Variants in ZFPM2 observed in about 807,000 individuals in gnomAD.
The protein encoded by ZFPM2 is zinc finger protein, FOG family member 2, also known as zinc finger protein ZFPM2.
A neutral mutation model predicts 98.6 loss-of-function variants in ZFPM2; 20 were observed. The ratio of observed to expected loss-of-function variants is 0.20; its 90% CI spans 0.14 to 0.29. The LOEUF (loss-of-function observed/expected upper bound fraction) is 0.29, where lower values mean the gene tolerates loss of function less well. Among genes scored for constraint, ZFPM2 ranks in the 10% least tolerant of loss-of-function variants. The pLI, the probability that ZFPM2 is intolerant of heterozygous loss-of-function variation, is 1.00. For missense variants in ZFPM2, 1,310 were observed against 1,388.6 expected (o/e 0.94, Z 0.90); for synonymous variants, 518 against 502.7 (o/e 1.03, Z -0.41).
chr8:105,734,152 G>T (rs549229226), intron 5 of ZFPM2, among the ~76,000 whole-genome samples: 28 of 151,892 alleles, frequency 1.8e-4, no homozygotes, highest in Admixed American at 1.6e-3. Flanking sequence ...TGTGTTTAAT[G>T]TTCACTTAAA....
intron 3 of ZFPM2, among the ~76,000 whole-genome samples, chr8:105,527,553 T>C (rs1236363438): frequency 2.0e-5 from 3 of 152,208 alleles, no homozygotes; most frequent in African/African-American, 4.8e-5. Context: ...CTGAGTCTTA[T>C]TAAAGGGGCT....
At chr8:105,487,308 G>A (rs1813249332) in intron 3 of ZFPM2, among the ~76,000 whole-genome samples, 1 of 152,036 alleles carries the variant, frequency 6.6e-6, no homozygotes, top group Admixed American at 6.6e-5. Context: ...TTGAAGAAAT[G>A]AGGTCTTCCC....
chr8:105,560,808 A>G (rs1815118914), intron 3 of ZFPM2, among the ~76,000 whole-genome samples: 1 of 152,142 alleles, frequency 6.6e-6, no homozygotes, highest in African/African-American at 2.4e-5. Flanking sequence ...ATAGAGTTCT[A>G]TTCAGTATAC....
In ZFPM2 at chr8:105,476,778, T is replaced by A. The variant is rs1586400527; in HGVS notation, c.301+32397T>A. ...CATTTAAAAATATCCTCTTTTAAAA[T>A]TAGCATCTCAAATAGCAATTTGGAT... On this transcript the variant is annotated intron_variant, in intron 3 of 7. Coordinates refer to ENST00000407775, the MANE Select transcript of ZFPM2 (RefSeq NM_012082.4). Among the ~76,000 whole-genome samples, 11 of 152,110 alleles carry A rather than the reference T, an allele frequency of 7.2e-5. No homozygotes were observed. The South Asian group carries it at 2.1e-3, about 29-fold the overall frequency.
chr8:105,471,664 G>A (rs536401601), intron 3 of ZFPM2, among the ~76,000 whole-genome samples: 46 of 152,132 alleles, frequency 3.0e-4, no homozygotes, highest in African/African-American at 3.1e-4. Flanking sequence ...TTGATGGTAC[G>A]CAAGCGGAAC....
chr8:105,702,917 C>T (rs961383652), intron 5 of ZFPM2, among the ~76,000 whole-genome samples: 6 of 152,164 alleles, frequency 3.9e-5, no homozygotes, highest in African/African-American at 1.4e-4. Flanking sequence ...AGGCAGGACT[C>T]ACAGAAAACT....
intron 5 of ZFPM2, among the ~76,000 whole-genome samples, chr8:105,773,663 A>G (rs1813034643): frequency 6.6e-6 from 1 of 151,116 alleles, no homozygotes; most frequent in South Asian, 2.1e-4. Flanking sequence ...AAAAAGATAA[A>G]TAAAATAAAA....
intron 4 of ZFPM2, among the ~76,000 whole-genome samples, chr8:105,585,894 A>AAAT (rs1250202013): frequency 1.3e-5 from 2 of 152,016 alleles, no homozygotes; most frequent in Non-Finnish European, 2.9e-5. Flanking sequence ...TAGGATGAAA[A>AAAT]AATAGAAGGG....
intron 3 of ZFPM2, among the ~76,000 whole-genome samples, chr8:105,450,249 A>G (rs942682540): frequency 6.6e-6 from 1 of 152,146 alleles, no homozygotes. Flanking sequence ...AACTGTAGCC[A>G]GAAGACCACT....
intron 3 of ZFPM2, among the ~76,000 whole-genome samples, chr8:105,547,867 C>T (rs537990656): frequency 9.2e-5 from 14 of 152,192 alleles, no homozygotes; most frequent in South Asian, 6.2e-4. Context: ...GCAACATCTA[C>T]CCATTTGCAT....
intron 5 of ZFPM2, among the ~76,000 whole-genome samples, chr8:105,764,282 T>TGA (rs1812804369): frequency 8.0e-6 from 1 of 124,268 alleles, no homozygotes; most frequent in Non-Finnish European, 1.7e-5. Flanking sequence ...TCTCTCTCTC[T>TGA]CTCTGACACA....
At chr8:105,461,527 A>T (rs1452533034) in intron 3 of ZFPM2, among the ~76,000 whole-genome samples, 2 of 152,130 alleles carry the variant, frequency 1.3e-5, no homozygotes, top group Non-Finnish European at 2.9e-5. Flanking sequence ...AAACTTAATA[A>T]ATCAGTGGTC....
chr8:105,720,624 G>T (rs1054039170), intron 5 of ZFPM2, among the ~76,000 whole-genome samples: 1 of 151,746 alleles, frequency 6.6e-6, no homozygotes, highest in African/African-American at 2.4e-5. Flanking sequence ...CATCTCTGTC[G>T]TGCCAATCAG....
intron 6 of ZFPM2, among the ~76,000 whole-genome samples, chr8:105,794,979 T>A (rs1813745761): frequency 6.6e-6 from 1 of 152,154 alleles, no homozygotes; most frequent in Admixed American, 6.5e-5. Context: ...CCAGGTGCCG[T>A]CTGTCACCCC....
chr8:105,692,282 C>T (rs1810905012), intron 5 of ZFPM2, among the ~76,000 whole-genome samples: 1 of 152,180 alleles, frequency 6.6e-6, no homozygotes, highest in Admixed American at 6.5e-5. Context: ...CTATTAATCT[C>T]TCTTTTTATA....
intron 5 of ZFPM2, among the ~76,000 whole-genome samples, chr8:105,730,780 T>C (rs1033334058): frequency 8.6e-5 from 5 of 57,864 alleles, no homozygotes; most frequent in South Asian, 7.3e-4. Context: ...TTTTTTCTTT[T>C]TTTTTTTTTT....
chr8:105,334,219 T>C (rs576197637), intron 1 of ZFPM2, among the ~76,000 whole-genome samples: 1 of 151,194 alleles, frequency 6.6e-6, no homozygotes, highest in Middle Eastern at 3.4e-3. Flanking sequence ...AATTATGTTT[T>C]CAATTATTTG....
intron 3 of ZFPM2, among the ~76,000 whole-genome samples, chr8:105,460,159 A>C (rs1443333846): frequency 6.6e-6 from 1 of 152,176 alleles, no homozygotes; most frequent in Non-Finnish European, 1.5e-5. Flanking sequence ...GTATCACTTC[A>C]GTGGAGAAGG....
intron 5 of ZFPM2, among the ~76,000 whole-genome samples, chr8:105,729,237 T>C (rs751412849): frequency 3.3e-5 from 5 of 151,750 alleles, no homozygotes; most frequent in Non-Finnish European, 5.9e-5. Flanking sequence ...ATGGATGCAC[T>C]TTACCAAGTA....
Sources: gnomAD v4.1 joint callset for allele counts (sites outside exome capture counted in the v4.1 genomes callset) on GRCh38, gnomAD v4.1.1 for gene constraint, MANE v1.5 for transcripts, NCBI Gene and HGNC (gene_info 2026-07-23, HGNC 2026-07-21) for gene names.